The following GBE1 variants were observed in gnomAD, a reference collection of about 807,000 sequenced individuals.
GBE1 encodes the protein 1,4-alpha-glucan branching enzyme 1.
In GBE1, 70 loss-of-function variants were observed where a neutral mutation model predicts 88.8. The ratio of observed to expected loss-of-function variants is 0.79; its 90% CI spans 0.65 to 0.96. GBE1 has a LOEUF of 0.96. GBE1 is among the 40% of genes least tolerant of loss of function. The pLI, the probability that GBE1 is intolerant of heterozygous loss-of-function variation, is 0.00. For synonymous variants in GBE1, 284 were observed against 300.1 expected, an observed-to-expected ratio of 0.95 and a Z score of 0.56; for missense variants, 872 against 871.0, an observed-to-expected ratio of 1.00 and a Z score of -0.01.
At chr3:81,738,635 A>C (rs1706307679) in intron 1 of GBE1, among the ~76,000 whole-genome samples, 1 of 152,140 alleles carries the variant, frequency 6.6e-6, no homozygotes, top group African/African-American at 2.4e-5. Context: ...AATTCTAAAA[A>C]AATTCCATAC....
chr3:81,740,050 C>T (rs1345953130), intron 1 of GBE1, among the ~76,000 whole-genome samples: 1 of 151,942 alleles, frequency 6.6e-6, no homozygotes, highest in African/African-American at 2.4e-5. Context: ...CATAGCAAGA[C>T]CCCATCTCTA....
intron 7 of GBE1, among the ~76,000 whole-genome samples, chr3:81,595,905 A>G (rs1703950222): frequency 6.6e-6 from 1 of 152,048 alleles, no homozygotes; most frequent in Admixed American, 6.6e-5. Flanking sequence ...AAGAAACAAT[A>G]GTGACAATGG....
intron 12 of GBE1, among the ~76,000 whole-genome samples, chr3:81,568,539 G>A (rs1703528290): frequency 6.6e-6 from 1 of 152,092 alleles, no homozygotes; most frequent in South Asian, 2.1e-4. Flanking sequence ...GCTTCCTGAG[G>A]AAAGAGGCTA....
intron 6 of GBE1, among the ~76,000 whole-genome samples, chr3:81,643,881 T>A (rs1032081327): frequency 3.9e-5 from 6 of 152,128 alleles, no homozygotes; most frequent in Non-Finnish European, 5.9e-5. Context: ...CTCCCATTCA[T>A]CCCAGGGTGA....
At chr3:81,753,516 A>G (rs1161341143) in intron 1 of GBE1, among the ~76,000 whole-genome samples, 1 of 152,234 alleles carries the variant, frequency 6.6e-6, no homozygotes, top group Non-Finnish European at 1.5e-5. Context: ...CAGAGACAAT[A>G]TTATCACCTC....
chr3:81,698,254 T>G (rs1705632731), intron 2 of GBE1, among the ~76,000 whole-genome samples: 1 of 151,746 alleles, frequency 6.6e-6, no homozygotes, highest in Non-Finnish European at 1.5e-5. Flanking sequence ...GAGGGAGTAA[T>G]AAAGTACACA....
chr3:81,547,085 C>T (rs542658438), intron 12 of GBE1, among the ~76,000 whole-genome samples: 1 of 151,452 alleles, frequency 6.6e-6, no homozygotes, highest in African/African-American at 2.4e-5. Context: ...AAATCACCTG[C>T]ATGTACCAAT....
At chr3:81,732,975 G>C (rs1706209475) in intron 1 of GBE1, among the ~76,000 whole-genome samples, 1 of 152,096 alleles carries the variant, frequency 6.6e-6, no homozygotes, top group African/African-American at 2.4e-5. Context: ...TCTATTTGCT[G>C]TTTCCTGAAT....
At chr3:81,578,614 C>T (rs1703681226) in intron 11 of GBE1, among the ~76,000 whole-genome samples, 1 of 151,586 alleles carries the variant, frequency 6.6e-6, no homozygotes, top group South Asian at 2.1e-4. Context: ...AAGTTGAGAA[C>T]ATTTATTTAA....
At chr3:81,612,299 G>T (rs138451045) in intron 7 of GBE1, 11 of 809,602 alleles carry the variant, frequency 1.4e-5, no homozygotes, top group Admixed American at 4.6e-5. Context: ...TTTATTCTGC[G>T]TTTGACTTTA....
intron 2 of GBE1, among the ~76,000 whole-genome samples, chr3:81,673,313 T>C (rs1275740482): frequency 6.6e-6 from 1 of 151,892 alleles, no homozygotes; most frequent in Non-Finnish European, 1.5e-5. Context: ...AGTTCATTCA[T>C]TCATTCATTA....
intron 7 of GBE1, among the ~76,000 whole-genome samples, chr3:81,629,018 G>GTTTTTTTTTTTTTTTTTTTTTTTT (rs34707682): frequency 1.0e-5 from 1 of 98,002 alleles, no homozygotes. Context: ...TTATGTTTAA[G>GTTTTTTTTTTTTTTTTTTTTTTTT]TTTTTTTTTT....
At chr3:81,612,219 T>TAAA in intron 7 of GBE1, 5 of 280,354 alleles carry the variant, frequency 1.8e-5, no homozygotes, top group Non-Finnish European at 2.9e-5. Context: ...CCACGCTCCT[T>TAAA]TAAAAAAAAA....
chr3:81,690,485 T>A (rs979598587), intron 2 of GBE1, among the ~76,000 whole-genome samples: 1 of 152,228 alleles, frequency 6.6e-6, no homozygotes, highest in Admixed American at 6.5e-5. Context: ...GTGCATTAAA[T>A]AAACAGTTAC....
intron 12 of GBE1, among the ~76,000 whole-genome samples, chr3:81,571,559 T>A (rs556607028): frequency 1.3e-4 from 20 of 152,292 alleles, no homozygotes; most frequent in Admixed American, 1.2e-3. Flanking sequence ...ATAAAAAGCA[T>A]TAAATTTCAA....
At chr3:81,537,204 A>G (rs373008335) in intron 12 of GBE1, 109 bp from the exon 13 acceptor site, 1 of 721,826 alleles carries the variant, frequency 1.4e-6, no homozygotes, top group Non-Finnish European at 2.0e-6. Context: ...AGTTTAGGCT[A>G]TCATTTACTA....
intron 3 of GBE1, among the ~76,000 whole-genome samples, chr3:81,667,801 T>C (rs1705134182): frequency 6.6e-6 from 1 of 152,214 alleles, no homozygotes; most frequent in Non-Finnish European, 1.5e-5. Flanking sequence ...GAAACTAACT[T>C]GATCTTGATG....
intron 7 of GBE1, among the ~76,000 whole-genome samples, chr3:81,619,895 T>C (rs1217736439): frequency 6.6e-6 from 1 of 152,070 alleles, no homozygotes; most frequent in Non-Finnish European, 1.5e-5. Context: ...TTTACCTTTT[T>C]TTGTAGATCT....
chr3:81,715,899 C>A (rs1705930854), intron 1 of GBE1, among the ~76,000 whole-genome samples: 1 of 152,006 alleles, frequency 6.6e-6, no homozygotes, highest in Admixed American at 6.6e-5. Context: ...CTACTTTCAG[C>A]AAATCATTAG....
Sources: allele counts gnomAD v4.1 joint callset (sites outside exome capture counted in the v4.1 genomes callset), GRCh38; gene constraint gnomAD v4.1.1; transcripts MANE v1.5; gene names NCBI Gene and HGNC (gene_info 2026-07-23, HGNC 2026-07-21).